The following NANS variants were observed in gnomAD, a reference collection of about 807,000 sequenced individuals.
The protein encoded by NANS is N-acetylneuraminate-9-phosphate synthase.
NANS carries 29 observed loss-of-function variants against 33.3 expected under a neutral mutation model. That is an observed-to-expected ratio of 0.87 (90% CI 0.65 to 1.19). The LOEUF (loss-of-function observed/expected upper bound fraction) is 1.19, where lower values mean the gene tolerates loss of function less well. Ranked by LOEUF, NANS falls within the 50% of genes most tolerant of loss-of-function variation. The pLI is 0.00. For missense variants in NANS, 394 were observed against 461.1 expected, an observed-to-expected ratio of 0.85 and a Z score of 1.33; for synonymous variants, 163 against 177.2, an observed-to-expected ratio of 0.92 and a Z score of 0.64.
At chr9:98,065,483 ATTTTTTTTTTTT>A (rs397837187) in intron 2 of NANS, among the ~76,000 whole-genome samples, 81 of 58,632 alleles carry the variant, frequency 1.4e-3, no homozygotes, top group East Asian at 0.013. Context: ...TGCCCAGCTA[ATTTTTTTTTTTT>A]TTTTTTTTTT....
At position 98,056,784 on chromosome 9, in the gene NANS, A is replaced by G. The variant is rs766492808; in HGVS notation, c.-25A>G. 7.5e-6 allele frequency: 12 copies of G among 1,594,368 alleles called. No individual in the cohort carries two copies. Among genetic ancestry groups the G allele is most frequent in the Non-Finnish European group, 8.5e-6 (10 of 1,169,686 alleles). On this transcript the variant is annotated 5_prime_UTR_variant, in exon 1 of 6. Transcript: ENST00000210444. ...GGCGGCCGGACCCAGACTGGTAGTGAGGCTTTGGACCCCGAGCCGCTGCAA... is the reference window on the plus strand; with the variant it reads ...GGCGGCCGGACCCAGACTGGTAGTGGGGCTTTGGACCCCGAGCCGCTGCAA...
chr9:98,078,128 T>C (rs766338070), intron 3 of NANS, 65 bp from the exon 4 acceptor site: 4 of 1,600,264 alleles, frequency 2.5e-6, no homozygotes, highest in Non-Finnish European at 3.4e-6. Flanking sequence ...GCAGTTGGGA[T>C]GTGTTGGGGA....
chr9:98,057,302 A>T lies in NANS; in HGVS notation c.132+362A>T, dbSNP rs560193343. 2.6e-5 allele frequency among the ~76,000 whole-genome samples: 4 copies of T among 152,242 alleles called. No homozygotes were observed. The South Asian group carries it at 6.2e-4, about 24-fold the overall frequency. On this transcript the variant is annotated intron_variant, in intron 1 of 5. Transcript: ENST00000210444. ...CTTTAACATAGCCTTCAAGATTTTA[A>T]TGACTGGGCCCCTTCCAGCCCGTCA... is the stretch of plus-strand genomic sequence containing the variant.
At chr9:98,072,913 T>C (rs1481759948) in intron 2 of NANS, among the ~76,000 whole-genome samples, 1 of 152,224 alleles carries the variant, frequency 6.6e-6, no homozygotes, top group African/African-American at 2.4e-5. Context: ...GTTCTCTGTG[T>C]GCTGAGGAAA....
At position 98,056,877 on chromosome 9, in the gene NANS, C is replaced by T; in HGVS notation, c.69C>T (p.Ala23=). 3.1e-6 allele frequency: 5 copies of T among 1,611,964 alleles called. No individual in the cohort carries two copies. Among genetic ancestry groups the T allele is most frequent in the South Asian group, 1.1e-5 (1 of 90,976 alleles). The stretch of plus-strand genomic sequence containing the variant: ...GGCAACACCCGTGCTTCATCATTGC[C>T]GAGATCGGCCAGAACCACCAGGGCG... ...VGGQHPCFII[A]EIGQNHQGDL... is the part of the protein sequence containing the mutation. Residue 23 remains alanine (A), a synonymous_variant, in exon 1 of 6, where the codon GCC becomes GCT. Coordinates refer to ENST00000210444, the MANE Select transcript of NANS (RefSeq NM_018946.4).
chr9:98,072,356 T>A lies in NANS; in HGVS notation c.349-4562T>A, dbSNP rs111540421. Among the ~76,000 whole-genome samples, 1,161 of 152,184 alleles carry A rather than the reference T, an allele frequency of 7.6e-3. 11 individuals carry two copies. Among genetic ancestry groups the A allele is most frequent in the African/African-American group, 0.026 (1,100 of 41,542 alleles). On this transcript the variant is annotated intron_variant, in intron 2 of 5. Transcript: ENST00000210444. ...TAGGTTCCTCTGGATGAGGAATGCC[T>A]TTTGTCCCCAGCTAGTCCCCTGCCT...
rs1444748760 is a variant in NANS, at chr9:98,070,205, C to T, written c.349-6713C>T. Among the ~76,000 whole-genome samples the T allele has an allele frequency of 2.0e-5, 3 of 152,272 alleles. No individual in the cohort carries two copies. The East Asian group carries it at 5.8e-4, about 29-fold the overall frequency. ...CGATTGTGGCTCACTGTAACCTTCG[C>T]CTCCCAGGTTCAAGCAGTTCTCCTG... On this transcript the variant is annotated intron_variant, in intron 2 of 5. Coordinates refer to ENST00000210444, the MANE Select transcript of NANS (RefSeq NM_018946.4).
At chr9:98,066,241 G>A (rs1301316707) in intron 2 of NANS, among the ~76,000 whole-genome samples, 1 of 152,176 alleles carries the variant, frequency 6.6e-6, no homozygotes, top group Non-Finnish European at 1.5e-5. Flanking sequence ...TTTCCAAAGT[G>A]TGGTTCAGGA....
At chr9:98,066,134 A>T (rs1438873798) in intron 2 of NANS, among the ~76,000 whole-genome samples, 1 of 152,168 alleles carries the variant, frequency 6.6e-6, no homozygotes, top group Non-Finnish European at 1.5e-5. Flanking sequence ...CTAGTGTTGA[A>T]TCCATAGTAA....
At chr9:98,075,666 T>C (rs1179365003) in intron 2 of NANS, 2 of 152,176 alleles carry the variant, frequency 1.3e-5, no homozygotes, top group East Asian at 1.9e-4. Flanking sequence ...TTCAGAGACA[T>C]TGATTTTTTC....
intron 2 of NANS, chr9:98,076,042 C>T (rs1013335210): frequency 1.3e-5 from 2 of 151,906 alleles, no homozygotes; most frequent in Admixed American, 1.3e-4. Context: ...CAAGCAGTGA[C>T]GTTATATCTG....
At chr9:98,076,535 C>T (rs1829600243) in intron 2 of NANS, 3 of 193,738 alleles carry the variant, frequency 1.5e-5, no homozygotes, top group South Asian at 8.4e-5. Context: ...CCACCACACC[C>T]GGCTAATTTT....
intron 3 of NANS, 154 bp from the exon 4 acceptor site, chr9:98,078,039 A>C: frequency 8.9e-7 from 1 of 1,117,760 alleles, no homozygotes; most frequent in Non-Finnish European, 1.3e-6. Flanking sequence ...GAACCCAACA[A>C]GCTCCTCTCT....
In NANS at chr9:98,056,753, G is replaced by A. The variant is rs1828832184; in HGVS notation, c.-56G>A. ...GCTCACAGAACAGAGTAGAGGCGGC[G>A]GCGGCGGCGGCCGGACCCAGACTGG... is the stretch of plus-strand genomic sequence containing the variant. On this transcript the variant is annotated 5_prime_UTR_variant, in exon 1 of 6. Transcript: ENST00000210444. 4 of 1,584,144 alleles carry A rather than the reference G, an allele frequency of 2.5e-6. No homozygotes were observed. The highest frequency in any genetic ancestry group is 1.8e-4 in the Middle Eastern group (1 of 5,524).
intron 3 of NANS, among the ~76,000 whole-genome samples, chr9:98,077,790 G>A (rs781286021): frequency 7.9e-5 from 12 of 152,110 alleles, no homozygotes; most frequent in Non-Finnish European, 1.6e-4. Flanking sequence ...ACTCAGAGAC[G>A]GACAGTACTC....
intron 2 of NANS, among the ~76,000 whole-genome samples, chr9:98,073,099 A>G (rs891408265): frequency 6.6e-6 from 1 of 152,040 alleles, no homozygotes; most frequent in African/African-American, 2.4e-5. Context: ...CCTGAGGGAC[A>G]TGCTCTCCTC....
At chr9:98,067,725 CT>C (rs377486473) in intron 2 of NANS, among the ~76,000 whole-genome samples, 307 of 148,152 alleles carry the variant, frequency 2.1e-3, no homozygotes, top group African/African-American at 7.0e-3. Flanking sequence ...TTTTCACTTT[CT>C]TTTTTTTTTG....
At chr9:98,071,325 A>G (rs1292684301) in intron 2 of NANS, among the ~76,000 whole-genome samples, 1 of 152,198 alleles carries the variant, frequency 6.6e-6, no homozygotes, top group Non-Finnish European at 1.5e-5. Flanking sequence ...TACCCGGGCT[A>G]TATGGCCCAG....
intron 1 of NANS, among the ~76,000 whole-genome samples, chr9:98,060,129 C>T (rs542134383): frequency 1.5e-4 from 23 of 152,172 alleles, no homozygotes; most frequent in South Asian, 8.3e-4. Flanking sequence ...GCTGAGTTGA[C>T]TATTCTTTGC....
Sources: allele counts gnomAD v4.1 joint callset (sites outside exome capture counted in the v4.1 genomes callset), GRCh38; gene constraint gnomAD v4.1.1; transcripts MANE v1.5; gene names NCBI Gene and HGNC (gene_info 2026-07-23, HGNC 2026-07-21).